Variants in PPM1B observed in about 807,000 individuals in gnomAD.
PPM1B encodes the protein protein phosphatase, Mg2+/Mn2+ dependent 1B.
PPM1B carries 22 observed loss-of-function variants against 43.0 expected under a neutral mutation model. The observed-to-expected ratio is 0.51, with a 90% CI of 0.37 to 0.73. PPM1B has a LOEUF of 0.73. PPM1B is among the 30% of genes least tolerant of loss of function. PPM1B has a pLI of 0.00. For missense variants in PPM1B, 632 were observed against 584.2 expected (o/e 1.08, Z -0.84); for synonymous variants, 217 against 197.9 (o/e 1.10, Z -0.81).
chr2:44,170,981 G>A (rs549499199), intron 1 of PPM1B, among the ~76,000 whole-genome samples: 2 of 151,336 alleles, frequency 1.3e-5, no homozygotes, highest in Non-Finnish European at 2.9e-5. Flanking sequence ...TTGTGTTTTC[G>A]CCTCTTCATT....
At chr2:44,200,135 G>C (rs1223965214) in intron 1 of PPM1B, among the ~76,000 whole-genome samples, 1 of 152,148 alleles carries the variant, frequency 6.6e-6, no homozygotes, top group African/African-American at 2.4e-5. Context: ...ATTTTATGGT[G>C]TTTATTGTGT....
At chr2:44,185,875 G>A (rs1668094540) in intron 1 of PPM1B, among the ~76,000 whole-genome samples, 1 of 152,108 alleles carries the variant, frequency 6.6e-6, no homozygotes, top group Admixed American at 6.6e-5. Context: ...TTATGATTTT[G>A]AAAATCTGAA....
exon 6 of PPM1B, chr2:44,244,369 G>A (rs775724331): frequency 7.4e-7 from 1 of 1,353,422 alleles, no homozygotes; most frequent in South Asian, 1.2e-5. Flanking sequence ...AATAAACCCA[G>A]CATTATATAA....
downstream of PPM1B, among the ~76,000 whole-genome samples, chr2:44,231,937 A>T (rs1670481448): frequency 6.6e-6 from 1 of 152,214 alleles, no homozygotes; most frequent in Non-Finnish European, 1.5e-5. Flanking sequence ...TAGAACATTA[A>T]CTTTTCGTCT....
rs1668928551 is a variant in PPM1B, at chr2:44,201,404, A to G, written c.205A>G (p.Asn69Asp). Residue 69 changes from asparagine (N) to aspartate (D), a missense_variant, in exon 2 of 6, where the codon AAT (asparagine) becomes GAT (aspartate). Asn to Asp is a conservative substitution (Grantham distance 23). This residue lies in a region of PPM1B where 200 missense variants were observed against 200.7 expected (regional missense o/e 1.00). Coordinates refer to ENST00000282412, the MANE Select transcript of PPM1B (RefSeq NM_002706.6). This position sits in a 1 kb window ranked among gnomAD's most constrained non-coding sequence, Gnocchi z 5.4. ...YDGHAGSRVA[N>D]YCSTHLLEHI... Reference sequence around the variant, plus strand: ...TGGTCATGCTGGATCCCGAGTGGCAAATTACTGCTCAACACATTTATTAGA... The same window carrying G: ...TGGTCATGCTGGATCCCGAGTGGCAGATTACTGCTCAACACATTTATTAGA... 1 of 1,614,056 alleles carries G rather than the reference A, an allele frequency of 6.2e-7. No individual in the cohort carries two copies. The highest frequency in any genetic ancestry group is 1.1e-5 in the South Asian group (1 of 91,090).
chr2:44,178,848 T>C (rs1667721614), intron 1 of PPM1B, among the ~76,000 whole-genome samples: 1 of 152,222 alleles, frequency 6.6e-6, no homozygotes. Flanking sequence ...GCCACATTAA[T>C]AAAAAAGACA....
At chr2:44,183,161 A>G (rs1288537126) in intron 1 of PPM1B, among the ~76,000 whole-genome samples, 1 of 152,128 alleles carries the variant, frequency 6.6e-6, no homozygotes, top group Non-Finnish European at 1.5e-5. Flanking sequence ...GTCTTATAAC[A>G]GTTTGTAGTT....
rs147796326 is a variant in PPM1B at position 44,201,577 on chromosome 2, G to A, written c.378G>A (p.Gly126=). The A allele has an allele frequency of 1.2e-6, 2 of 1,614,200 alleles. No individual in the cohort carries two copies. Among genetic ancestry groups the A allele is most frequent in the Admixed American group, 1.7e-5 (1 of 60,008 alleles). Residue 126 remains glycine, a synonymous_variant, in exon 2 of 6, where the codon GGG becomes GGA. Coordinates refer to ENST00000282412, the MANE Select transcript of PPM1B (RefSeq NM_002706.6). This position sits in a 1 kb window ranked among gnomAD's most constrained non-coding sequence, Gnocchi z 5.4. ...YMRNFSDLRN[G]MDRSGSTAVG... is the part of the protein sequence containing the mutation. The stretch of plus-strand genomic sequence containing the variant: ...GTAACTTTTCAGACCTCAGAAACGG[G>A]ATGGACAGGAGTGGTTCAACTGCAG...
intron 5 of PPM1B, among the ~76,000 whole-genome samples, chr2:44,220,765 T>G (rs1669943796): frequency 6.6e-6 from 1 of 152,214 alleles, no homozygotes; most frequent in Non-Finnish European, 1.5e-5. Flanking sequence ...GGACAGTGAT[T>G]GCTGTAAAAG....
At chr2:44,234,307 T>G, downstream of PPM1B, 5 of 787,344 alleles carry the variant, frequency 6.4e-6, no homozygotes, top group Non-Finnish European at 6.2e-6. Flanking sequence ...GATCACGAGG[T>G]CAAGAGATCG....
At chr2:44,211,686 C>T (rs1003107661) in intron 3 of PPM1B, among the ~76,000 whole-genome samples, 1 of 149,572 alleles carries the variant, frequency 6.7e-6, no homozygotes, top group Non-Finnish European at 1.5e-5. Context: ...GTTTTAGCAT[C>T]CATTTGCGAT....
chr2:44,184,723 T>G (rs1572692460), intron 1 of PPM1B, among the ~76,000 whole-genome samples: 1 of 152,210 alleles, frequency 6.6e-6, no homozygotes, highest in South Asian at 2.1e-4. Flanking sequence ...CAGGGATTCT[T>G]AAGCTGGAGC....
At chr2:44,175,895 C>T (rs1028793900) in intron 1 of PPM1B, among the ~76,000 whole-genome samples, 2 of 151,250 alleles carry the variant, frequency 1.3e-5, no homozygotes, top group Non-Finnish European at 2.9e-5. Flanking sequence ...AGACAATTCT[C>T]CTGCCTCAGT....
At chr2:44,239,970 TA>T (rs1328103918) in intron 5 of PPM1B, among the ~76,000 whole-genome samples, 1 of 146,576 alleles carries the variant, frequency 6.8e-6, no homozygotes, top group Admixed American at 6.8e-5. Flanking sequence ...TGCTGACATC[TA>T]GCAGGTATAC....
downstream of PPM1B, among the ~76,000 whole-genome samples, chr2:44,235,075 A>G (rs80296926): frequency 6.6e-6 from 1 of 152,214 alleles, no homozygotes; most frequent in Non-Finnish European, 1.5e-5. Context: ...GTGGATATCA[A>G]AACTTGACAA....
intron 5 of PPM1B, among the ~76,000 whole-genome samples, chr2:44,228,005 T>A (rs1001031782): frequency 7.1e-6 from 1 of 140,190 alleles, no homozygotes; most frequent in Non-Finnish European, 1.5e-5. Context: ...CACTGCAACC[T>A]CCGCCCTCCG....
chr2:44,197,466 A>G (rs1668718500), intron 1 of PPM1B, among the ~76,000 whole-genome samples: 2 of 152,010 alleles, frequency 1.3e-5, no homozygotes, highest in Admixed American at 1.3e-4. Flanking sequence ...ATCAAAAACT[A>G]AAAAAAACTA....
intron 1 of PPM1B, among the ~76,000 whole-genome samples, chr2:44,194,930 A>T (rs1572706180): frequency 8.6e-6 from 1 of 116,308 alleles, no homozygotes; most frequent in Admixed American, 1.1e-4. Flanking sequence ...ACGGAATCTT[A>T]CTCTGTCACC....
intron 4 of PPM1B, 51 bp downstream of exon 4, chr2:44,218,129 A>G: frequency 2.9e-6 from 4 of 1,359,722 alleles, no homozygotes; most frequent in Non-Finnish European, 4.2e-6. Flanking sequence ...TAGTAATTAA[A>G]TAATTTGGGG....
Sources: allele counts gnomAD v4.1 joint callset (sites outside exome capture counted in the v4.1 genomes callset), GRCh38; gene constraint gnomAD v4.1.1; regional missense constraint gnomAD v4.1.1; non-coding constraint Gnocchi (gnomAD v3.1); transcripts MANE v1.5; gene names NCBI Gene and HGNC (gene_info 2026-07-23, HGNC 2026-07-21).